The following OTOG variants were observed in gnomAD, a reference collection of about 807,000 sequenced individuals.
The protein encoded by OTOG is otogelin.
In OTOG, 296 loss-of-function variants were observed where a neutral mutation model predicts 313.8. The observed-to-expected ratio is 0.94, with a 90% confidence interval of 0.86 to 1.04. The LOEUF is 1.04. OTOG is among the 50% of genes least tolerant of loss of function. The pLI, the probability that OTOG is intolerant of heterozygous loss-of-function variation, is 0.00. For synonymous variants in OTOG, 1,533 were observed against 1,554.9 expected (o/e 0.99, Z 0.33); for missense variants, 3,948 against 3,840.1 (o/e 1.03, Z -0.74).
intron 15 of OTOG, among the ~76,000 whole-genome samples, chr11:17,565,599 A>G (rs1463180188): frequency 6.6e-6 from 1 of 152,188 alleles, no homozygotes; most frequent in African/African-American, 2.4e-5. Context: ...GAGAATCTAC[A>G]TGCATTATTT....
At chr11:17,599,913 G>T (rs554122667) in intron 31 of OTOG, among the ~76,000 whole-genome samples, 1 of 152,130 alleles carries the variant, frequency 6.6e-6, no homozygotes, top group Non-Finnish European at 1.5e-5. Flanking sequence ...GCCCCTGTCC[G>T]GGGCCCAGGC....
At chr11:17,582,034 A>G (rs1852680082) in intron 23 of OTOG, among the ~76,000 whole-genome samples, 1 of 152,174 alleles carries the variant, frequency 6.6e-6, no homozygotes, top group South Asian at 2.1e-4. Context: ...GTAGTATTCC[A>G]TTGTATGAAT....
At chr11:17,559,771 G>A (rs1852138751) in intron 12 of OTOG, 109 bp downstream of exon 12, 2 of 767,064 alleles carry the variant, frequency 2.6e-6, no homozygotes, top group Non-Finnish European at 3.7e-6. Flanking sequence ...AGGAAGGAAA[G>A]GAGGGAGGGA....
chr11:17,562,371 A>G lies in OTOG; in HGVS notation c.1644+564A>G, dbSNP rs560056742. Among the ~76,000 whole-genome samples, 6 of 152,264 alleles carry G rather than the reference A, an allele frequency of 3.9e-5. 1 individual carries two copies. The South Asian group carries it at 1.2e-3, about 32-fold the overall frequency. ...AATTTTCAAACATTTTATATTCCAC[A>G]ATTTTTGAAAAAGTACACCGTTTTT... On this transcript the variant is annotated intron_variant, in intron 15 of 55. Transcript: ENST00000399397.
intron 40 of OTOG, 29 bp downstream of exon 40, chr11:17,629,345 G>A: frequency 6.5e-7 from 1 of 1,531,968 alleles, no homozygotes; most frequent in East Asian, 2.5e-5. Context: ...TGCGGGGAGG[G>A]GATGCTTCCC....
chr11:17,557,167 G>T lies in OTOG; in HGVS notation c.709G>T (p.Gly237Cys), dbSNP rs914926596. 1.4e-5 allele frequency: 21 copies of T among 1,550,478 alleles called. No homozygotes were observed. Among genetic ancestry groups the T allele is most frequent in the Non-Finnish European group, 1.8e-5 (21 of 1,147,024 alleles). Residue 237 changes from glycine to cysteine, a missense_variant, in exon 8 of 56, where the codon GGC becomes TGC. Physicochemically the swap from Gly to Cys is radical, Grantham distance 159. Transcript: ENST00000399397. ...MGSARLQQLA[G>C]YVIVRHQSAF... ...GAGCGCGCGTCTGCAGCAGCTTGCC[G>T]GCTATGTCATCGTGCGGCATCAGTC...
At chr11:17,615,755 C>G (rs901016348) in intron 39 of OTOG, among the ~76,000 whole-genome samples, 1 of 152,008 alleles carries the variant, frequency 6.6e-6, no homozygotes, top group Non-Finnish European at 1.5e-5. Flanking sequence ...ATGGAGAAAC[C>G]CCTTCTCTAC....
chr11:17,593,284 T>G lies in OTOG; in HGVS notation c.3098T>G (p.Val1033Gly). 6.4e-7 allele frequency: 1 copy of G among 1,550,586 alleles called. No individual in the cohort carries two copies. The highest frequency in any genetic ancestry group is 8.7e-7 in the Non-Finnish European group (1 of 1,146,962). Residue 1033 changes from valine (V) to glycine (G), a missense_variant, in exon 26 of 56, where the codon GTT (valine) becomes GGT (glycine). Physicochemically the swap from Val to Gly is moderately radical, Grantham distance 109. Coordinates refer to ENST00000399397, the MANE Select transcript of OTOG (RefSeq NM_001292063.2). Reference sequence around the variant, plus strand: ...TGCAGGAAATTTATTTCCATCAACGTTGGGAACTCACTCATTGTCTTTGAT... The same window carrying G: ...TGCAGGAAATTTATTTCCATCAACGGTGGGAACTCACTCATTGTCTTTGAT... ...MICRKFISIN[V>G]GNSLIVFDDD... is the part of the protein sequence containing the mutation.
chr11:17,570,228 G>A lies in OTOG; in HGVS notation c.1793G>A (p.Arg598His), dbSNP rs1032491736. The A allele has an allele frequency of 3.6e-5, 56 of 1,550,604 alleles. No homozygotes were observed. The highest frequency in any genetic ancestry group is 4.5e-5 in the Non-Finnish European group (52 of 1,146,960). Residue 598 changes from arginine (R) to histidine (H), a missense_variant, in exon 17 of 56, where the codon CGT becomes CAT. By Grantham distance (29) the Arg-to-His change is conservative (BLOSUM62 0). Transcript: ENST00000399397. ...PPYTDDAFEIRRLSSVFLRVR... is the reference protein window; with the variant it reads ...PPYTDDAFEIHRLSSVFLRVR... ...CTGTGCCCAGATGCCTTTGAGATCC[G>A]TAGGCTGTCCTCCGTGTTCCTGCGG...
At position 17,611,153 on chromosome 11, in the gene OTOG, AGCCCAGGCAGGCACAGCTCTGCCAGT is replaced by A; in HGVS notation, c.5859_5884del (p.Gln1953HisfsTer27). 1 of 1,550,284 alleles carries A rather than the reference AGCCCAGGCAGGCACAGCTCTGCCAGT, an allele frequency of 6.5e-7. No homozygotes were observed. Among genetic ancestry groups the A allele is most frequent in the South Asian group, 1.2e-5 (1 of 84,034 alleles). ...CGCCCTTGGTGGCTGAGCCCGAGGG[AGCCCAGGCAGGCACAGCTCTGCCAGT>A]GCCCACATCCTATGCCCTGAGCCGT... On this transcript the variant is annotated frameshift_variant, in exon 36 of 56. Transcript: ENST00000399397. LOFTEE classifies it high-confidence loss of function.
At chr11:17,580,204 C>A (rs1278241507) in intron 23 of OTOG, among the ~76,000 whole-genome samples, 3 of 152,238 alleles carry the variant, frequency 2.0e-5, no homozygotes, top group Non-Finnish European at 4.4e-5. Flanking sequence ...TTCTTTGAAT[C>A]TGGGGTCTGG....
At chr11:17,634,505 C>A (rs1193433509) in intron 44 of OTOG, among the ~76,000 whole-genome samples, 1 of 151,918 alleles carries the variant, frequency 6.6e-6, no homozygotes, top group Non-Finnish European at 1.5e-5. Flanking sequence ...ACTCTTCCTC[C>A]CCCACCTGTA....
intron 44 of OTOG, 27 bp from the exon 45 acceptor site, chr11:17,634,817 G>T: frequency 6.5e-7 from 1 of 1,529,708 alleles, no homozygotes; most frequent in Middle Eastern, 1.9e-4. Context: ...GCCCCGAGGT[G>T]ACAGGCCCTG....
chr11:17,550,026 G>T (rs1344840712), intron 3 of OTOG, among the ~76,000 whole-genome samples: 1 of 152,182 alleles, frequency 6.6e-6, no homozygotes, highest in Non-Finnish European at 1.5e-5. Context: ...GTAGACAGGG[G>T]TCCATGGATG....
chr11:17,625,815 A>G (rs1168515193), intron 39 of OTOG, among the ~76,000 whole-genome samples: 1 of 151,966 alleles, frequency 6.6e-6, no homozygotes, highest in Non-Finnish European at 1.5e-5. Flanking sequence ...ATGTGATCCC[A>G]TTTGTCCATT....
intron 39 of OTOG, among the ~76,000 whole-genome samples, chr11:17,621,557 C>G (rs1414520487): frequency 3.3e-5 from 5 of 152,102 alleles, no homozygotes; most frequent in Non-Finnish European, 7.4e-5. Context: ...AGGACAGGGT[C>G]AGGACAGGGT....
At chr11:17,560,051 T>C (rs1852148716) in intron 12 of OTOG, among the ~76,000 whole-genome samples, 1 of 152,192 alleles carries the variant, frequency 6.6e-6, no homozygotes, top group Non-Finnish European at 1.5e-5. Flanking sequence ...CATAGGGATA[T>C]TTAAATTAAT....
chr11:17,567,791 C>T (rs148152229), intron 15 of OTOG, among the ~76,000 whole-genome samples: 132 of 152,364 alleles, frequency 8.7e-4, no homozygotes, highest in African/African-American at 3.1e-3. Context: ...CTTCTTCTCT[C>T]TTTGCCCAAC....
intron 8 of OTOG, among the ~76,000 whole-genome samples, chr11:17,557,562 G>T (rs1852082737): frequency 6.6e-6 from 1 of 152,148 alleles, no homozygotes; most frequent in African/African-American, 2.4e-5. Flanking sequence ...TTCCCACTAG[G>T]GTTGTGGGGG....
Sources: allele counts gnomAD v4.1 joint callset (sites outside exome capture counted in the v4.1 genomes callset), GRCh38; gene constraint gnomAD v4.1.1; transcripts MANE v1.5; gene names NCBI Gene and HGNC (gene_info 2026-07-23, HGNC 2026-07-21).